TSPAN11: variants seen among roughly 807,000 people sequenced by gnomAD.
TSPAN11 encodes the protein tetraspanin-11.
A neutral mutation model predicts 32.9 loss-of-function variants in TSPAN11; 29 were observed. The observed-to-expected ratio is 0.88, with a 90% CI of 0.66 to 1.20. The LOEUF (loss-of-function observed/expected upper bound fraction) is 1.20, where lower values mean the gene tolerates loss of function less well. Ranked by LOEUF, TSPAN11 falls within the 50% of genes most tolerant of loss-of-function variation. TSPAN11 has a pLI of 0.00. For missense variants in TSPAN11, 283 were observed against 329.1 expected (o/e 0.86, Z 1.08); for synonymous variants, 140 against 141.3 (o/e 0.99, Z 0.07).
downstream of TSPAN11, among the ~76,000 whole-genome samples, chr12:31,000,293 C>T (rs1033456091): frequency 6.6e-6 from 1 of 152,176 alleles, no homozygotes; most frequent in Non-Finnish European, 1.5e-5. Context: ...TCATCCACCT[C>T]GATACACCAA....
At chr12:31,010,678 C>A in the TSPAN11 span, among the ~76,000 whole-genome samples, 2 of 152,022 alleles carry the variant, frequency 1.3e-5, no homozygotes, top group Non-Finnish European at 2.9e-5. Context: ...TGCCTGCAGT[C>A]CCAGCTACAT....
chr12:30,935,725 G>A (rs1938031889), intron 1 of TSPAN11, among the ~76,000 whole-genome samples: 2 of 152,290 alleles, frequency 1.3e-5, no homozygotes, highest in South Asian at 4.1e-4. Flanking sequence ...TGTGCTCTTA[G>A]TGCTGAGAGG....
chr12:31,001,282 A>G (rs1329045661), downstream of TSPAN11, among the ~76,000 whole-genome samples: 1 of 152,188 alleles, frequency 6.6e-6, no homozygotes, highest in Non-Finnish European at 1.5e-5. Context: ...GTCCATCCAC[A>G]GGACACATCT....
chr12:30,978,975 T>C, intron 4 of TSPAN11: 1 of 328,528 alleles, frequency 3.0e-6, no homozygotes, highest in Non-Finnish European at 5.6e-6. Context: ...CAGGGTCACA[T>C]GCCAGACCCC....
intron 3 of TSPAN11, among the ~76,000 whole-genome samples, chr12:30,970,263 G>A (rs996425722): frequency 6.6e-6 from 1 of 152,174 alleles, no homozygotes; most frequent in African/African-American, 2.4e-5. Context: ...CAGCTGGCCA[G>A]GCCCTAATGC....
At chr12:30,932,458 C>T (rs1937952366) in intron 1 of TSPAN11, among the ~76,000 whole-genome samples, 1 of 152,160 alleles carries the variant, frequency 6.6e-6, no homozygotes, top group South Asian at 2.1e-4. Flanking sequence ...AACTACTCAT[C>T]AATGCACTCA....
Position 30,931,795 on chromosome 12 carries a change from G to A in TSPAN11, c.-12+4999G>A, listed in dbSNP as rs942150955. On this transcript the variant is annotated intron_variant, in intron 1 of 7. Transcript: ENST00000546076. ...CTCGGGAAGCTGAGGCAGAAAAATC[G>A]TTTGAATCTGGGAGATGGAGGTTGC... Among the ~76,000 whole-genome samples the A allele has an allele frequency of 1.8e-4, 26 of 145,922 alleles. No individual in the cohort carries two copies. In the South Asian group the frequency reaches 2.2e-3, roughly 12 times the overall value.
intron 2 of TSPAN11, among the ~76,000 whole-genome samples, chr12:30,958,596 A>G (rs942488491): frequency 6.6e-6 from 1 of 152,130 alleles, no homozygotes; most frequent in Non-Finnish European, 1.5e-5. Context: ...GGGAATGGGA[A>G]GCCATTCTGT....
chr12:30,998,587 C>T (rs530249077), downstream of TSPAN11, among the ~76,000 whole-genome samples: 8 of 152,314 alleles, frequency 5.3e-5, no homozygotes, highest in East Asian at 7.7e-4. Context: ...AGGATCCTGC[C>T]GGGCACCTGG....
chr12:30,953,872 A>G, intron 1 of TSPAN11, 109 bp from the exon 2 acceptor site: 1 of 722,270 alleles, frequency 1.4e-6, no homozygotes, highest in Non-Finnish European at 2.3e-6. Flanking sequence ...CCCCCGGCAG[A>G]TAGGTTAATG....
chr12:31,007,126 TG>T, the TSPAN11 span, among the ~76,000 whole-genome samples: 29 of 152,312 alleles, frequency 1.9e-4, no homozygotes, highest in Middle Eastern at 6.8e-3. Context: ...TAGGCTTCTG[TG>T]TAGACTCGCT....
chr12:30,982,751 C>G (rs1721031358), intron 6 of TSPAN11, 61 bp downstream of exon 6: 1 of 1,502,002 alleles, frequency 6.7e-7, no homozygotes, highest in East Asian at 2.5e-5. Context: ...GTTCAGGAGC[C>G]CCAGAAAGGC....
At chr12:31,008,122 T>TG in the TSPAN11 span, among the ~76,000 whole-genome samples, 5 of 151,850 alleles carry the variant, frequency 3.3e-5, no homozygotes, top group East Asian at 1.9e-4. Context: ...TTTTTTTTTT[T>TG]TTTTTTGCAT....
At chr12:30,942,835 C>T (rs1432487341) in intron 1 of TSPAN11, among the ~76,000 whole-genome samples, 1 of 152,100 alleles carries the variant, frequency 6.6e-6, no homozygotes, top group Non-Finnish European at 1.5e-5. Flanking sequence ...TCGAGTTCTA[C>T]TGCACCATCC....
At chr12:30,979,911 C>T (rs1176835626) in intron 5 of TSPAN11, among the ~76,000 whole-genome samples, 1 of 152,234 alleles carries the variant, frequency 6.6e-6, no homozygotes, top group Non-Finnish European at 1.5e-5. Flanking sequence ...CCGACCACCT[C>T]CTCCAGGCCC....
chr12:30,953,848 G>T, intron 1 of TSPAN11, 133 bp from the exon 2 acceptor site: 1 of 628,182 alleles, frequency 1.6e-6, no homozygotes. Context: ...TGCTGCACAT[G>T]CAGAGCCTCA....
chr12:31,015,117 G>C, the TSPAN11 span, among the ~76,000 whole-genome samples: 1 of 152,106 alleles, frequency 6.6e-6, no homozygotes, highest in Non-Finnish European at 1.5e-5. The surrounding 1 kb of genome is among the most constrained non-coding windows in gnomAD (Gnocchi z 4.9). Context: ...CCTCACATCT[G>C]TGCCATCCAT....
At chr12:30,963,706 T>A (rs1938661267) in intron 2 of TSPAN11, 120 bp from the exon 3 acceptor site, 3 of 1,106,618 alleles carry the variant, frequency 2.7e-6, no homozygotes, top group Non-Finnish European at 3.8e-6. Context: ...CATTCTCGCC[T>A]CCTTTGGAGG....
At chr12:30,998,127 C>A (rs1486929182), downstream of TSPAN11, among the ~76,000 whole-genome samples, 1 of 151,880 alleles carries the variant, frequency 6.6e-6, no homozygotes, top group South Asian at 2.1e-4. Context: ...AATCATCCAA[C>A]ACGAATGTAC....
Sources: gnomAD v4.1 joint callset for allele counts (sites outside exome capture counted in the v4.1 genomes callset) on GRCh38, gnomAD v4.1.1 for gene constraint, Gnocchi (gnomAD v3.1) non-coding constraint, MANE v1.5 for transcripts, NCBI Gene and HGNC (gene_info 2026-07-23, HGNC 2026-07-21) for gene names.